Variants in KDM2A observed in about 807,000 individuals in gnomAD.
KDM2A encodes the protein lysine demethylase 2A, also known as lysine-specific demethylase 2A.
Under a neutral mutation model 137.3 loss-of-function variants are expected in KDM2A, and 3 were observed. The observed-to-expected ratio is 0.02, with a 90% confidence interval of 0.01 to 0.06. The LOEUF is 0.06. Ranked by LOEUF, KDM2A falls within the 10% of genes least tolerant of loss-of-function variation. KDM2A has a pLI of 1.00. For missense variants in KDM2A, 738 were observed against 1,510.6 expected, an observed-to-expected ratio of 0.49 and a Z score of 8.48; for synonymous variants, 512 against 541.5, an observed-to-expected ratio of 0.95 and a Z score of 0.76.
intron 5 of KDM2A, among the ~76,000 whole-genome samples, chr11:67,183,210 T>G (rs961079718): frequency 6.6e-6 from 1 of 152,248 alleles, no homozygotes; most frequent in Non-Finnish European, 1.5e-5. Context: ...ATCCGTTGAA[T>G]AATGAAAATG....
intron 2 of KDM2A, among the ~76,000 whole-genome samples, chr11:67,173,495 G>A (rs1321839519): frequency 6.6e-6 from 1 of 152,008 alleles, no homozygotes. Flanking sequence ...TGACCTCAAT[G>A]ATCAGCCTGT....
At chr11:67,189,768 A>T (rs1243800037) in intron 5 of KDM2A, among the ~76,000 whole-genome samples, 1 of 152,166 alleles carries the variant, frequency 6.6e-6, no homozygotes, top group East Asian at 1.9e-4. Flanking sequence ...TGAACCTGGG[A>T]AGCGGAGGTT....
intron 2 of KDM2A, among the ~76,000 whole-genome samples, chr11:67,158,120 T>C (rs1856560487): frequency 6.6e-6 from 1 of 151,060 alleles, no homozygotes; most frequent in Non-Finnish European, 1.5e-5. Flanking sequence ...CTCTCCCCCA[T>C]ACACCAGCAA....
chr11:67,209,386 ATTAT>A (rs1010714006), intron 6 of KDM2A, among the ~76,000 whole-genome samples: 81 of 151,688 alleles, frequency 5.3e-4, no homozygotes, highest in Middle Eastern at 3.4e-3. Flanking sequence ...TTCCAGTAAC[ATTAT>A]TTATTTATAA....
intron 2 of KDM2A, among the ~76,000 whole-genome samples, chr11:67,125,295 G>A (rs181683622): frequency 2.0e-5 from 3 of 151,050 alleles, no homozygotes; most frequent in Non-Finnish European, 2.9e-5. Flanking sequence ...ATCTTCCCAC[G>A]TCAGCTTCCC....
chr11:67,212,123 A>G (rs1176143628), intron 6 of KDM2A, among the ~76,000 whole-genome samples: 1 of 152,182 alleles, frequency 6.6e-6, no homozygotes, highest in Non-Finnish European at 1.5e-5. Flanking sequence ...GGCAAGACCC[A>G]GTCTTTTAAA....
At chr11:67,223,590 T>G (rs1401922888) in intron 10 of KDM2A, among the ~76,000 whole-genome samples, 1 of 151,976 alleles carries the variant, frequency 6.6e-6, no homozygotes, top group Non-Finnish European at 1.5e-5. Flanking sequence ...TTTATTTTTT[T>G]GTAGAAACGA....
intron 11 of KDM2A, among the ~76,000 whole-genome samples, chr11:67,230,711 AC>A (rs2099885643): frequency 6.6e-6 from 1 of 152,024 alleles, no homozygotes; most frequent in South Asian, 2.1e-4. Flanking sequence ...AGTATATTGT[AC>A]TGTTCAGTTG....
Position 67,188,493 on chromosome 11 carries a change from A to AG in KDM2A, c.307+6601_307+6602insG, listed in dbSNP as rs1467235810. Among the ~76,000 whole-genome samples, 4 of 150,440 alleles carry AG rather than the reference A, an allele frequency of 2.7e-5. No individual in the cohort carries two copies. In the East Asian group the frequency reaches 5.9e-4, roughly 22 times the overall value. The stretch of plus-strand genomic sequence containing the variant: ...CAAGACTCTGTCTCAAAAAAAAAAA[A>AG]AAAGAAAGAAAAAATGGTTGGGCAT... On this transcript the variant is annotated intron_variant, in intron 5 of 20. Transcript: ENST00000529006.
At chr11:67,143,078 A>G (rs1015943991) in intron 2 of KDM2A, 1 of 149,320 alleles carries the variant, frequency 6.7e-6, no homozygotes, top group African/African-American at 2.5e-5. Flanking sequence ...CTGGAGTGCA[A>G]TGACATGATC....
At chr11:67,159,339 G>A (rs943571760) in intron 2 of KDM2A, among the ~76,000 whole-genome samples, 3 of 152,188 alleles carry the variant, frequency 2.0e-5, no homozygotes, top group African/African-American at 7.2e-5. Flanking sequence ...AGTTACATGA[G>A]TGATACTGTC....
intron 7 of KDM2A, 90 bp downstream of exon 7, chr11:67,215,536 G>C: frequency 1.2e-6 from 1 of 824,632 alleles, no homozygotes; most frequent in Non-Finnish European, 2.0e-6. Flanking sequence ...GCTTTGCTCT[G>C]TGTCTTGAAT....
intron 18 of KDM2A, among the ~76,000 whole-genome samples, chr11:67,253,189 T>C (rs1859489424): frequency 6.6e-6 from 1 of 152,236 alleles, no homozygotes; most frequent in South Asian, 2.1e-4. Flanking sequence ...GCCCTTGTTC[T>C]CTTCAGCATT....
intron 2 of KDM2A, among the ~76,000 whole-genome samples, chr11:67,151,538 C>A (rs952150038): frequency 4.6e-5 from 7 of 151,438 alleles, no homozygotes; most frequent in African/African-American, 1.7e-4. Context: ...TTAGTAGAGA[C>A]CGGGGTTTCA....
intron 12 of KDM2A, among the ~76,000 whole-genome samples, chr11:67,236,191 C>T (rs962363450): frequency 6.6e-6 from 1 of 152,102 alleles, no homozygotes; most frequent in Non-Finnish European, 1.5e-5. Context: ...AGTGCAGTGG[C>T]GTGATCTAGG....
chr11:67,202,313 TA>T (rs1452854928), intron 5 of KDM2A, among the ~76,000 whole-genome samples: 1 of 152,160 alleles, frequency 6.6e-6, no homozygotes, highest in Non-Finnish European at 1.5e-5. Flanking sequence ...GGATATTACA[TA>T]AAGTGAGTTT....
chr11:67,164,033 C>T (rs1439443715), intron 2 of KDM2A, among the ~76,000 whole-genome samples: 1 of 152,112 alleles, frequency 6.6e-6, no homozygotes, highest in African/African-American at 2.4e-5. Context: ...GGTCTGGACC[C>T]TGCCACTACT....
At chr11:67,201,214 A>ATG (rs1857613825) in intron 5 of KDM2A, among the ~76,000 whole-genome samples, 2 of 18,878 alleles carry the variant, frequency 1.1e-4, no homozygotes, top group Non-Finnish European at 1.4e-4. Context: ...ATATATATAT[A>ATG]TATATGTGTG....
chr11:67,173,369 G>A (rs767683099), intron 2 of KDM2A, among the ~76,000 whole-genome samples: 6 of 152,174 alleles, frequency 3.9e-5, no homozygotes, highest in Non-Finnish European at 7.3e-5. Flanking sequence ...TGATCCGCCC[G>A]CCTTGGCCTC....
Sources: allele counts gnomAD v4.1 joint callset (sites outside exome capture counted in the v4.1 genomes callset), GRCh38; gene constraint gnomAD v4.1.1; transcripts MANE v1.5; gene names NCBI Gene and HGNC (gene_info 2026-07-23, HGNC 2026-07-21).